The following VAV2 variants were observed in gnomAD, a reference collection of about 807,000 sequenced individuals.
The protein encoded by VAV2 is vav guanine nucleotide exchange factor 2.
In VAV2, 67 loss-of-function variants were observed where a neutral mutation model predicts 132.5. The observed-to-expected ratio is 0.51, with a 90% CI of 0.42 to 0.62. The LOEUF (loss-of-function observed/expected upper bound fraction) is 0.62. Ranked by LOEUF, VAV2 falls within the 20% of genes least tolerant of loss-of-function variation. The pLI is 0.00. For missense variants in VAV2, 938 were observed against 1,153.6 expected, an observed-to-expected ratio of 0.81 and a Z score of 2.71; for synonymous variants, 492 against 443.5, an observed-to-expected ratio of 1.11 and a Z score of -1.37.
In VAV2 at chr9:133,784,301, A is replaced by T. The variant is rs1264218827; in HGVS notation, c.1634+16T>A. 1.2e-6 allele frequency: 2 copies of T among 1,611,984 alleles called. No homozygotes were observed. The highest frequency in any genetic ancestry group is 1.7e-6 in the Non-Finnish European group (2 of 1,178,022). On this transcript the variant is annotated intron_variant, in intron 18 of 29. Transcript: ENST00000371850. ...CGTGGAGCGAGGTGAGGGCTGTAGC[A>T]GGGGGTTTCCCACACCTGAGGAACA...
chr9:133,932,285 G>A (rs1480960323), intron 2 of VAV2, among the ~76,000 whole-genome samples: 1 of 152,226 alleles, frequency 6.6e-6, no homozygotes, highest in East Asian at 1.9e-4. Context: ...TCTACAGGCC[G>A]TGGCGGGGAG....
Position 133,991,442 on chromosome 9 carries a change from G to C in VAV2, c.204+633C>G, listed in dbSNP as rs547968892. Among the ~76,000 whole-genome samples the C allele has an allele frequency of 6.6e-6, 1 of 150,746 alleles. No individual in the cohort carries two copies. On this transcript the variant is annotated intron_variant, in intron 1 of 29. Coordinates refer to ENST00000371850, the MANE Select transcript of VAV2 (RefSeq NM_001134398.2). The surrounding 1 kb of genome is among the most constrained non-coding windows in gnomAD (Gnocchi z 4.8). ...GGAAAGCGATGGGGGCCAGGACTGG[G>C]GCCAAGTGGCCCTGGGGATCCTCGA...
Position 133,843,082 on chromosome 9 carries a change from C to T in VAV2, c.381-8742G>A, listed in dbSNP as rs567918997. ...CACGTTTCTTTCCTCAGCGCGCCAT[C>T]CCACCCAGCCCAGCAGGGCTATCAC... On this transcript the variant is annotated intron_variant, in intron 3 of 29. Coordinates refer to ENST00000371850, the MANE Select transcript of VAV2 (RefSeq NM_001134398.2). Among the ~76,000 whole-genome samples the T allele has an allele frequency of 5.8e-4, 88 of 152,352 alleles. 1 individual carries two copies. In the South Asian group the frequency reaches 0.018, roughly 32 times the overall value.
In VAV2 at chr9:133,948,133, A is replaced by G. The variant is rs549123552; in HGVS notation, c.205-8914T>C. ...GAGAGGCTGCAGTGCGGGGCTCCCA[A>G]GGCAGATGTCCGAGGCCACTCCAGC... On this transcript the variant is annotated intron_variant, in intron 1 of 29. Coordinates refer to ENST00000371850, the MANE Select transcript of VAV2 (RefSeq NM_001134398.2). 3.5e-3 allele frequency among the ~76,000 whole-genome samples: 535 copies of G among 152,276 alleles called. 3 individuals carry two copies. The highest frequency in any genetic ancestry group is 0.012 in the African/African-American group (514 of 41,574).
At chr9:133,944,967 G>A (rs867481154) in intron 1 of VAV2, among the ~76,000 whole-genome samples, 7 of 152,304 alleles carry the variant, frequency 4.6e-5, no homozygotes, top group Non-Finnish European at 8.8e-5. Context: ...TCGGTGCGCT[G>A]ACTCACAGTG....
intron 1 of VAV2, among the ~76,000 whole-genome samples, chr9:133,967,913 A>T (rs1842198519): frequency 6.9e-6 from 1 of 144,878 alleles, no homozygotes; most frequent in Non-Finnish European, 1.5e-5. Context: ...AGCCTGGGCA[A>T]CAGAGGAAGA....
At position 133,883,976 on chromosome 9, in the gene VAV2, T is replaced by C. The variant is rs530078597; in HGVS notation, c.322-22544A>G. ...TGGTGAAACCCCGTCTCTACTAAAATACAAAAAAATTAGCTGGGCACGGTG... is the reference window on the plus strand; with the variant it reads ...TGGTGAAACCCCGTCTCTACTAAAACACAAAAAAATTAGCTGGGCACGGTG... On this transcript the variant is annotated intron_variant, in intron 2 of 29. Coordinates refer to ENST00000371850, the MANE Select transcript of VAV2 (RefSeq NM_001134398.2). This position sits in a 1 kb window ranked among gnomAD's most constrained non-coding sequence, Gnocchi z 4.2. 4.9e-4 allele frequency among the ~76,000 whole-genome samples: 75 copies of C among 151,950 alleles called. No individual in the cohort carries two copies. The highest frequency in any genetic ancestry group is 1.6e-3 in the African/African-American group (68 of 41,446).
intron 1 of VAV2, among the ~76,000 whole-genome samples, chr9:133,954,299 G>C (rs543858289): frequency 6.6e-6 from 1 of 152,192 alleles, no homozygotes; most frequent in Non-Finnish European, 1.5e-5. Flanking sequence ...CCTGCTGAGG[G>C]CCTGCGGCCC....
At chr9:133,787,840 G>A (rs1346657692) in intron 15 of VAV2, among the ~76,000 whole-genome samples, 1 of 143,458 alleles carries the variant, frequency 7.0e-6, no homozygotes, top group Non-Finnish European at 1.5e-5. Context: ...CCCCACCCCT[G>A]CAGCCCTGGC....
At chr9:133,820,837 C>A (rs948796930) in intron 4 of VAV2, among the ~76,000 whole-genome samples, 1 of 152,176 alleles carries the variant, frequency 6.6e-6, no homozygotes, top group Admixed American at 6.5e-5. Flanking sequence ...GAGTACAGGG[C>A]AGTGACAGGG....
chr9:133,777,371 C>T lies in VAV2; in HGVS notation c.1965+18G>A. 6.2e-7 allele frequency: 1 copy of T among 1,613,340 alleles called. No individual in the cohort carries two copies. The highest frequency in any genetic ancestry group is 8.5e-7 in the Non-Finnish European group (1 of 1,179,774). ...CCAGGCCACCGTGCTCCAGAAGCTT[C>T]TGTGGGAAAGGACTCACCCTTCCAT... On this transcript the variant is annotated intron_variant, in intron 23 of 29. Transcript: ENST00000371850.
At chr9:133,798,506 C>T (rs918576303) in intron 9 of VAV2, among the ~76,000 whole-genome samples, 2 of 152,192 alleles carry the variant, frequency 1.3e-5, no homozygotes, top group Non-Finnish European at 2.9e-5. Context: ...TCTTTAGCCA[C>T]GACACCTTCT....
intron 13 of VAV2, among the ~76,000 whole-genome samples, chr9:133,790,141 T>G (rs1448201627): frequency 6.6e-6 from 1 of 152,206 alleles, no homozygotes; most frequent in Non-Finnish European, 1.5e-5. Flanking sequence ...GCCTGGCTCA[T>G]GGGGATGCTC....
rs1836665894 is a variant in VAV2 at position 133,840,236 on chromosome 9, G to GCTT, written c.381-5899_381-5897dup. On this transcript the variant is annotated intron_variant, in intron 3 of 29. Coordinates refer to ENST00000371850, the MANE Select transcript of VAV2 (RefSeq NM_001134398.2). This position sits in a 1 kb window ranked among gnomAD's most constrained non-coding sequence, Gnocchi z 4.5. ...CTGAGCATGCATTTCCTCGTGCCCGGCTTCGGGAAGCAGAGTTTCCCACTG... is the reference window on the plus strand; with the variant it reads ...CTGAGCATGCATTTCCTCGTGCCCGGCTTCTTCGGGAAGCAGAGTTTCCCACTG... Among the ~76,000 whole-genome samples the GCTT allele has an allele frequency of 1.3e-5, 2 of 152,322 alleles. No homozygotes were observed. The highest frequency in any genetic ancestry group is 4.1e-4 in the South Asian group (2 of 4,826).
At chr9:133,929,005 A>G (rs1365781024) in intron 2 of VAV2, among the ~76,000 whole-genome samples, 1 of 152,182 alleles carries the variant, frequency 6.6e-6, no homozygotes, top group Non-Finnish European at 1.5e-5. Flanking sequence ...GACCCAGCCC[A>G]TGAAAACAGG....
Position 133,822,354 on chromosome 9 carries a change from C to A in VAV2, c.450-10138G>T, listed in dbSNP as rs1393038097. Among the ~76,000 whole-genome samples the A allele has an allele frequency of 3.3e-5, 5 of 152,212 alleles. No homozygotes were observed. In the South Asian group the frequency reaches 1.0e-3, roughly 32 times the overall value. ...ACCGAGTCGGATGTTTCCTGACCTC[C>A]GTCCACACCTCAGGGTGCTTCATCC... is the stretch of plus-strand genomic sequence containing the variant. On this transcript the variant is annotated intron_variant, in intron 4 of 29. Coordinates refer to ENST00000371850, the MANE Select transcript of VAV2 (RefSeq NM_001134398.2).
intron 9 of VAV2, among the ~76,000 whole-genome samples, chr9:133,801,540 A>G (rs1834930078): frequency 6.6e-6 from 1 of 152,198 alleles, no homozygotes; most frequent in Non-Finnish European, 1.5e-5. Context: ...CACCTGACCC[A>G]GGGGCAGAGC....
Position 133,879,844 on chromosome 9 carries a change from G to A in VAV2, c.322-18412C>T, listed in dbSNP as rs904031277. On this transcript the variant is annotated intron_variant, in intron 2 of 29. Coordinates refer to ENST00000371850, the MANE Select transcript of VAV2 (RefSeq NM_001134398.2). This position sits in a 1 kb window ranked among gnomAD's most constrained non-coding sequence, Gnocchi z 4.4. ...GTGTTTATGGAAACAGATGGAAACC[G>A]GCCGCAGACGAAGCTCTGGCATCCA... 6.6e-6 allele frequency among the ~76,000 whole-genome samples: 1 copy of A among 152,198 alleles called. No individual in the cohort carries two copies. Among genetic ancestry groups the A allele is most frequent in the Non-Finnish European group, 1.5e-5 (1 of 68,034 alleles).
chr9:133,910,628 G>A (rs1264272880), intron 2 of VAV2, among the ~76,000 whole-genome samples: 1 of 142,860 alleles, frequency 7.0e-6, no homozygotes, highest in African/African-American at 2.6e-5. Context: ...GGCTAACACG[G>A]TGAAACCCCG....
Sources: allele counts gnomAD v4.1 joint callset (sites outside exome capture counted in the v4.1 genomes callset), GRCh38; gene constraint gnomAD v4.1.1; non-coding constraint Gnocchi (gnomAD v3.1); transcripts MANE v1.5; gene names NCBI Gene and HGNC (gene_info 2026-07-23, HGNC 2026-07-21).